The following PDSS1 variants were observed in gnomAD, a reference collection of about 807,000 sequenced individuals.
PDSS1 encodes the protein all trans-polyprenyl-diphosphate synthase PDSS1.
PDSS1 carries 43 observed loss-of-function variants against 57.5 expected under a neutral mutation model. The ratio of observed to expected loss-of-function variants is 0.75; its 90% CI spans 0.59 to 0.96. PDSS1 has a LOEUF of 0.96. Among genes scored for constraint, PDSS1 ranks in the 50% least tolerant of loss-of-function variants. PDSS1 has a pLI of 0.00. For synonymous variants in PDSS1, 175 were observed against 191.3 expected, an observed-to-expected ratio of 0.91 and a Z score of 0.70; for missense variants, 438 against 527.8, an observed-to-expected ratio of 0.83 and a Z score of 1.67.
intron 10 of PDSS1, among the ~76,000 whole-genome samples, chr10:26,742,226 C>T (rs939777134): frequency 6.6e-6 from 1 of 151,668 alleles, no homozygotes; most frequent in Non-Finnish European, 1.5e-5. Context: ...CCTCTCTTAA[C>T]TCAGTGTTGG....
At chr10:26,737,452 T>C (rs1836442362) in intron 10 of PDSS1, among the ~76,000 whole-genome samples, 1 of 152,086 alleles carries the variant, frequency 6.6e-6, no homozygotes, top group Non-Finnish European at 1.5e-5. Context: ...TGAAAAATGC[T>C]GGTTAGGCGG....
At chr10:26,745,394 G>T (rs1281097852) in intron 11 of PDSS1, among the ~76,000 whole-genome samples, 1 of 152,112 alleles carries the variant, frequency 6.6e-6, no homozygotes, top group African/African-American at 2.4e-5. Flanking sequence ...AAGGACAAGA[G>T]CTCATAGAAG....
rs1835753479 is a variant in PDSS1, at chr10:26,720,694, C to T, written c.609+335C>T. 2.0e-5 allele frequency among the ~76,000 whole-genome samples: 3 copies of T among 152,042 alleles called. No individual in the cohort carries two copies. In the South Asian group the frequency reaches 6.2e-4, roughly 32 times the overall value. ...CCCAGATTCAGTTTAATTTTTTAAA[C>T]ATTTGTATAATTGAGTGCTGCATAT... On this transcript the variant is annotated intron_variant, in intron 6 of 11. Transcript: ENST00000376215.
rs1836927495 is a variant in PDSS1 at position 26,746,540 on chromosome 10, C to G, written c.*67C>G. ...TGCCTAAAGAATTTTGTGGAATACA[C>G]TTTGTTTGCTTCATGTGCAGATAAC... On this transcript the variant is annotated 3_prime_UTR_variant, in exon 12 of 12. Coordinates refer to ENST00000376215, the MANE Select transcript of PDSS1 (RefSeq NM_014317.5). 2.0e-6 allele frequency: 3 copies of G among 1,520,478 alleles called. No individual in the cohort carries two copies. Among genetic ancestry groups the G allele is most frequent in the South Asian group, 2.2e-5 (2 of 88,984 alleles). 94.2% of individuals were successfully genotyped at this position (1,520,478 alleles called of 1,614,324 possible). A position where few individuals can be genotyped will look rare whatever the true frequency, so the allele number is the denominator to read the frequency against.
intron 8 of PDSS1, among the ~76,000 whole-genome samples, chr10:26,725,214 G>A (rs748094470): frequency 6.6e-6 from 1 of 152,172 alleles, no homozygotes; most frequent in Non-Finnish European, 1.5e-5. Context: ...AGGAAGACCT[G>A]TAAGGGTCGC....
At chr10:26,714,667 CTT>C (rs1320985925) in intron 5 of PDSS1, 4 of 152,074 alleles carry the variant, frequency 2.6e-5, no homozygotes, top group Non-Finnish European at 4.4e-5. Context: ...GTGTGAAACT[CTT>C]TTAGTTCTAA....
chr10:26,726,946 C>T (rs867379498), intron 8 of PDSS1, among the ~76,000 whole-genome samples: 13 of 152,044 alleles, frequency 8.6e-5, no homozygotes, highest in Middle Eastern at 3.4e-3. Context: ...CCTGTAATGC[C>T]AGCTACTTGG....
In PDSS1 at chr10:26,723,922, G is replaced by A. The variant is rs1835869542; in HGVS notation, c.721+5G>A. The A allele has an allele frequency of 2.5e-6, 4 of 1,599,986 alleles. No homozygotes were observed. Among genetic ancestry groups the A allele is most frequent in the East Asian group, 4.5e-5 (2 of 44,812 alleles). On this transcript the variant is annotated splice_donor_5th_base_variant and intron_variant, in intron 7 of 11. Transcript: ENST00000376215. ...TTATTGAAGATTTGGTGCGTGGTAC[G>A]TTGATTCTGATTTTTCTTCTTTGTT...
chr10:26,703,941 C>G (rs1359981849), intron 2 of PDSS1, among the ~76,000 whole-genome samples: 1 of 151,666 alleles, frequency 6.6e-6, no homozygotes, highest in Non-Finnish European at 1.5e-5. Context: ...ATTAGCCAGG[C>G]GAGGTGGTGG....
At chr10:26,702,514 C>G (rs1163978466) in intron 2 of PDSS1, among the ~76,000 whole-genome samples, 1 of 152,170 alleles carries the variant, frequency 6.6e-6, no homozygotes, top group Admixed American at 6.5e-5. Context: ...CATTCTCCTT[C>G]CTGCTGCCTA....
chr10:26,709,573 GA>G, intron 4 of PDSS1, 64 bp from the exon 5 acceptor site: 1 of 1,495,926 alleles, frequency 6.7e-7, no homozygotes, highest in Non-Finnish European at 9.3e-7. Context: ...AAAAAAAAAA[GA>G]AATCCTGTTG....
At chr10:26,742,465 A>AT in intron 10 of PDSS1, 32 bp from the exon 11 acceptor site, 2 of 1,158,924 alleles carry the variant, frequency 1.7e-6, no homozygotes, top group Non-Finnish European at 2.4e-6. Context: ...AAATAAATAG[A>AT]TTTTCTCAGA....
At chr10:26,708,644 C>A (rs562611050) in intron 4 of PDSS1, among the ~76,000 whole-genome samples, 6 of 152,214 alleles carry the variant, frequency 3.9e-5, no homozygotes, top group African/African-American at 1.4e-4. Context: ...CTCAAAATGT[C>A]TTTTGCCAAA....
chr10:26,710,174 G>C (rs1835378656), intron 5 of PDSS1, among the ~76,000 whole-genome samples: 1 of 82,218 alleles, frequency 1.2e-5, no homozygotes, highest in South Asian at 3.1e-4. Context: ...AAAGTAGCAT[G>C]TACCTAAAAA....
rs1055367473 is a variant in PDSS1, at chr10:26,720,300, G to A, written c.550G>A (p.Asp184Asn). 1.2e-6 allele frequency: 2 copies of A among 1,613,984 alleles called. No homozygotes were observed. Among genetic ancestry groups the A allele is most frequent in the African/African-American group, 2.7e-5 (2 of 74,926 alleles). The change falls in exon 6 of 12, where the codon GAC becomes AAC. Residue 184 changes from aspartate to asparagine, a missense_variant. This residue lies in a region of PDSS1 where 284 missense variants were observed against 390.7 expected (regional missense o/e 0.73). Coordinates refer to ENST00000376215, the MANE Select transcript of PDSS1 (RefSeq NM_014317.5). ...TASLVHDDVI[D>N]DASSRRGKHT... Reference sequence around the variant, plus strand: ...TAGTCTGGTTCACGATGACGTTATTGACGATGCAAGTTCTCGAAGAGGAAA... The same window carrying A: ...TAGTCTGGTTCACGATGACGTTATTAACGATGCAAGTTCTCGAAGAGGAAA...
intron 8 of PDSS1, among the ~76,000 whole-genome samples, chr10:26,731,814 C>T (rs1021178620): frequency 3.9e-5 from 6 of 152,166 alleles, no homozygotes; most frequent in Non-Finnish European, 5.9e-5. Context: ...GTTTATTTAT[C>T]GGAGTCTCAC....
chr10:26,735,404 AGAACGATG>A, intron 9 of PDSS1, 54 bp from the exon 10 acceptor site: 1 of 1,390,968 alleles, frequency 7.2e-7, no homozygotes, highest in Non-Finnish European at 1.0e-6. Flanking sequence ...CAAAATAGTA[AGAACGATG>A]GCAGCAGTGT....
intron 8 of PDSS1, among the ~76,000 whole-genome samples, chr10:26,725,973 A>G (rs956698687): frequency 6.6e-6 from 1 of 152,220 alleles, no homozygotes; most frequent in African/African-American, 2.4e-5. Context: ...AGACTATTGG[A>G]ATTGGAAACA....
chr10:26,705,152 T>A, intron 3 of PDSS1, 134 bp from the exon 4 acceptor site: 1 of 680,614 alleles, frequency 1.5e-6, no homozygotes, highest in South Asian at 1.6e-5. Flanking sequence ...TTCCAAATTA[T>A]AATGACCTTT....
Sources: gnomAD v4.1 joint callset for allele counts (sites outside exome capture counted in the v4.1 genomes callset) on GRCh38, gnomAD v4.1.1 for gene constraint, gnomAD v4.1.1 regional missense constraint, MANE v1.5 for transcripts, NCBI Gene and HGNC (gene_info 2026-07-23, HGNC 2026-07-21) for gene names.